The following OR11A1 variants were observed in gnomAD, a reference collection of about 807,000 sequenced individuals.
OR11A1 encodes the protein olfactory receptor 11A1.
For synonymous variants in OR11A1, 158 were observed against 152.2 expected, an observed-to-expected ratio of 1.04 and a Z score of -0.28; for missense variants, 380 against 378.2, an observed-to-expected ratio of 1.00 and a Z score of -0.04.
chr6:29,445,424 G>C (rs1282097510), intron 1 of OR11A1, among the ~76,000 whole-genome samples: 1 of 152,126 alleles, frequency 6.6e-6, no homozygotes, highest in Non-Finnish European at 1.5e-5. Flanking sequence ...ACAGAGGCAG[G>C]CTGAAGAACT....
At chr6:29,435,783 G>A (rs986236782) in intron 1 of OR11A1, among the ~76,000 whole-genome samples, 2 of 152,162 alleles carry the variant, frequency 1.3e-5, no homozygotes, top group African/African-American at 2.4e-5. Flanking sequence ...ACTAGACTAC[G>A]AATTAGAAGT....
Position 29,427,604 on chromosome 6 carries a change from T to C in OR11A1, c.38A>G (p.Glu13Gly), listed in dbSNP as rs1005243192. ...IVSTGNETIT[E>G]FVLLGFYDIP... ...GTCATAGAAGCCAAGGAGGACAAATTCAGTAATAGTTTCGTTTCCTGTGGA... is the reference window on the plus strand; with the variant it reads ...GTCATAGAAGCCAAGGAGGACAAATCCAGTAATAGTTTCGTTTCCTGTGGA... Residue 13 changes from glutamate (E) to glycine (G), a missense_variant, in exon 5 of 5, where the codon GAA (glutamate) becomes GGA (glycine). By Grantham distance (98) the Glu-to-Gly change is moderately conservative. Coordinates refer to ENST00000377149, the MANE Select transcript of OR11A1 (RefSeq NM_001394828.1). The C allele has an allele frequency of 1.2e-6, 2 of 1,611,656 alleles. No homozygotes were observed. The highest frequency in any genetic ancestry group is 1.7e-6 in the Non-Finnish European group (2 of 1,179,222).
Position 29,426,734 on chromosome 6 carries a change from C to A in OR11A1, c.908G>T (p.Arg303Leu), listed in dbSNP as rs756409417. ...MRNKEVHQAL[R>L]KILCIKQTET... is the part of the protein sequence containing the mutation. ...AGTTTGTTTGATACAGAGAATCTTC[C>A]GAAGTGCCTGATGCACCTCCTTGTT... is the stretch of plus-strand genomic sequence containing the variant. Residue 303 changes from arginine to leucine, a missense_variant, in exon 5 of 5, where the codon CGG (arginine) becomes CTG (leucine). Physicochemically the swap from Arg to Leu is moderately radical, Grantham distance 102 (BLOSUM62 -2). Coordinates refer to ENST00000377149, the MANE Select transcript of OR11A1 (RefSeq NM_001394828.1). The A allele has an allele frequency of 6.2e-7, 1 of 1,612,316 alleles. No individual in the cohort carries two copies. The highest frequency in any genetic ancestry group is 2.2e-5 in the East Asian group (1 of 44,874).
intron 3 of OR11A1, among the ~76,000 whole-genome samples, chr6:29,430,027 G>A (rs896606840): frequency 6.6e-6 from 1 of 152,158 alleles, no homozygotes; most frequent in African/African-American, 2.4e-5. Flanking sequence ...ATGCTGCCTT[G>A]AGTTCATCAT....
At chr6:29,444,862 A>T (rs187069847) in intron 1 of OR11A1, among the ~76,000 whole-genome samples, 15 of 152,218 alleles carry the variant, frequency 9.9e-5, no homozygotes, top group Admixed American at 9.2e-4. Context: ...CTGCTTCTTG[A>T]AATCCCACTG....
In OR11A1 at chr6:29,430,442, G is replaced by A; in HGVS notation, c.-264-17C>T. The A allele has an allele frequency of 1.0e-6, 1 of 985,340 alleles. No homozygotes were observed. The highest frequency in any genetic ancestry group is 1.2e-6 in the Non-Finnish European group (1 of 829,866). 61.0% of individuals were successfully genotyped at this position (985,340 alleles called of 1,614,324 possible). On this transcript the variant is annotated splice_polypyrimidine_tract_variant and intron_variant, in intron 2 of 4. Coordinates refer to ENST00000377149, the MANE Select transcript of OR11A1 (RefSeq NM_001394828.1). ...ATAGGATTCCTGCCAGGAGAGAGGTGAGCATGTAAATCAGGCAAGAATACC... is the reference window on the plus strand; with the variant it reads ...ATAGGATTCCTGCCAGGAGAGAGGTAAGCATGTAAATCAGGCAAGAATACC...
At chr6:29,448,223 G>A (rs200788980) in intron 1 of OR11A1, among the ~76,000 whole-genome samples, 1 of 151,654 alleles carries the variant, frequency 6.6e-6, no homozygotes, top group African/African-American at 2.4e-5. Context: ...CACCAAGTTG[G>A]CCAGGATGGT....
chr6:29,426,651 T>A lies in OR11A1; in HGVS notation c.*43A>T. On this transcript the variant is annotated 3_prime_UTR_variant, in exon 5 of 5. Coordinates refer to ENST00000377149, the MANE Select transcript of OR11A1 (RefSeq NM_001394828.1). ...CAACCCATCCTGGAAGAGTCCCCAG[T>A]GGAGGTGTCCGAAGTCCAAAATAAC... is the stretch of plus-strand genomic sequence containing the variant. 1.3e-6 allele frequency: 2 copies of A among 1,501,784 alleles called. No individual in the cohort carries two copies. Among genetic ancestry groups the A allele is most frequent in the Non-Finnish European group, 1.8e-6 (2 of 1,102,246 alleles). 93.0% of individuals were successfully genotyped at this position (1,501,784 alleles called of 1,614,324 possible).
At chr6:29,430,539 A>G (rs1783157833) in intron 2 of OR11A1, 114 bp from the exon 3 acceptor site, 1 of 643,752 alleles carries the variant, frequency 1.6e-6, no homozygotes, top group African/African-American at 2.0e-5. Context: ...GGAGGCTATT[A>G]TTTTAAGTGA....
At chr6:29,444,981 G>T (rs1011710984) in intron 1 of OR11A1, among the ~76,000 whole-genome samples, 5 of 152,058 alleles carry the variant, frequency 3.3e-5, no homozygotes, top group Non-Finnish European at 4.4e-5. Flanking sequence ...GCTCCTGATG[G>T]TATCTGCTAC....
At chr6:29,440,527 A>G (rs1784056427) in intron 1 of OR11A1, 2 of 1,613,574 alleles carry the variant, frequency 1.2e-6, no homozygotes, top group African/African-American at 1.3e-5. Flanking sequence ...TGCGGCCCCA[A>G]TACCATCCCG....
chr6:29,440,649 C>G (rs372158954), intron 1 of OR11A1: 1 of 1,614,154 alleles, frequency 6.2e-7, no homozygotes, highest in Non-Finnish European at 8.5e-7. Flanking sequence ...CCCCTTTGGC[C>G]TCATCCTGGG....
At chr6:29,448,618 GT>G (rs1440724705) in intron 1 of OR11A1, among the ~76,000 whole-genome samples, 1 of 152,196 alleles carries the variant, frequency 6.6e-6, no homozygotes, top group Non-Finnish European at 1.5e-5. Flanking sequence ...CCATTTTCGA[GT>G]TGGCCAGTTC....
At chr6:29,431,046 T>G (rs1054324955) in intron 2 of OR11A1, among the ~76,000 whole-genome samples, 1 of 152,162 alleles carries the variant, frequency 6.6e-6, no homozygotes, top group Non-Finnish European at 1.5e-5. Flanking sequence ...GTAAGAATAG[T>G]GCAAAATGCC....
At chr6:29,450,253 C>G (rs1230810510) in intron 1 of OR11A1, 2 of 152,478 alleles carry the variant, frequency 1.3e-5, no homozygotes, top group African/African-American at 4.8e-5. Flanking sequence ...TGCAGCCTCC[C>G]TCTTAGGCCC....
chr6:29,441,002 A>G (rs751911331), intron 1 of OR11A1: 1 of 1,191,070 alleles, frequency 8.4e-7, no homozygotes, highest in Admixed American at 1.9e-5. Flanking sequence ...TCAGTCCCAA[A>G]TACCTAAGGA....
chr6:29,448,295 G>A (rs1228596009), intron 1 of OR11A1, among the ~76,000 whole-genome samples: 4 of 152,032 alleles, frequency 2.6e-5, no homozygotes, highest in African/African-American at 7.3e-5. Flanking sequence ...GATTACAGGC[G>A]TGAGCCACCA....
intron 1 of OR11A1, among the ~76,000 whole-genome samples, chr6:29,446,147 C>G (rs965825720): frequency 3.9e-5 from 6 of 152,152 alleles, no homozygotes; most frequent in African/African-American, 1.4e-4. Context: ...ACACTTCTTT[C>G]AAGTCTGCGA....
chr6:29,428,378 G>C (rs942198592), intron 4 of OR11A1: 1 of 985,364 alleles, frequency 1.0e-6, no homozygotes, highest in Non-Finnish European at 1.2e-6. Context: ...GCCTGGGGTT[G>C]TGGGGCAGAA....
Sources: gnomAD v4.1 joint callset for allele counts (sites outside exome capture counted in the v4.1 genomes callset) on GRCh38, gnomAD v4.1.1 for gene constraint, MANE v1.5 for transcripts, NCBI Gene and HGNC (gene_info 2026-07-23, HGNC 2026-07-21) for gene names.